Variants in RMDN1 observed in about 807,000 individuals in gnomAD.
RMDN1 encodes regulator of microtubule dynamics protein 1.
A neutral mutation model predicts 48.9 loss-of-function variants in RMDN1; 48 were observed. That is an observed-to-expected ratio of 0.98 (90% CI 0.78 to 1.25). The LOEUF is 1.25. RMDN1 is among the 50% of genes most tolerant of loss of function. The pLI is 0.00. For synonymous variants in RMDN1, 148 were observed against 132.6 expected, an observed-to-expected ratio of 1.12 and a Z score of -0.80; for missense variants, 418 against 373.4, an observed-to-expected ratio of 1.12 and a Z score of -0.98.
chr8:86,507,317 TC>T (rs1197973584), intron 1 of RMDN1, among the ~76,000 whole-genome samples: 1 of 152,126 alleles, frequency 6.6e-6, no homozygotes, highest in African/African-American at 2.4e-5. Flanking sequence ...GAGTCGCCGC[TC>T]ATCTAAAAAT....
chr8:86,479,565 T>C (rs776504743), intron 6 of RMDN1, among the ~76,000 whole-genome samples: 2 of 152,190 alleles, frequency 1.3e-5, no homozygotes, highest in Non-Finnish European at 2.9e-5. Flanking sequence ...GAAATTGCTA[T>C]TTCATTTGGG....
chr8:86,505,455 G>A, intron 2 of RMDN1: 1 of 428,850 alleles, frequency 2.3e-6, no homozygotes, highest in East Asian at 7.2e-5. Context: ...ATATACATAT[G>A]AGTGTGGAAG....
upstream of RMDN1, among the ~76,000 whole-genome samples, chr8:86,509,626 C>T (rs559294091): frequency 9.3e-4 from 142 of 152,300 alleles, no homozygotes; most frequent in African/African-American, 3.0e-3. Flanking sequence ...ATCTTCCGAA[C>T]TACCTTGTGA....
intron 2 of RMDN1, among the ~76,000 whole-genome samples, chr8:86,493,012 A>C (rs1439050300): frequency 6.6e-6 from 1 of 152,024 alleles, no homozygotes; most frequent in African/African-American, 2.4e-5. Flanking sequence ...CTTAAAAAAA[A>C]AAAACAGCAA....
chr8:86,489,014 C>T (rs1443680249), intron 2 of RMDN1, among the ~76,000 whole-genome samples: 1 of 152,224 alleles, frequency 6.6e-6, no homozygotes, highest in African/African-American at 2.4e-5. Context: ...AGATTCAAAG[C>T]TGTCCTGGGC....
chr8:86,503,367 AAAAC>A (rs1343648328), intron 2 of RMDN1, among the ~76,000 whole-genome samples: 1 of 73,506 alleles, frequency 1.4e-5, no homozygotes, highest in African/African-American at 1.2e-4. Flanking sequence ...AAAACAAAAC[AAAAC>A]AAAAAAAAAA....
At chr8:86,508,158 G>C in intron 1 of RMDN1, 1 of 268,444 alleles carries the variant, frequency 3.7e-6, no homozygotes, top group Non-Finnish European at 7.0e-6. Flanking sequence ...AAGCGCTGTT[G>C]TATCTGTCAT....
At chr8:86,475,365 A>G (rs1431582647) in intron 8 of RMDN1, among the ~76,000 whole-genome samples, 1 of 152,180 alleles carries the variant, frequency 6.6e-6, no homozygotes, top group East Asian at 1.9e-4. Flanking sequence ...CATCGGCTGA[A>G]TAAGTGAATG....
Position 86,473,827 on chromosome 8 carries a change from C to T in RMDN1, c.*481G>A, listed in dbSNP as rs556414816. 1,742 of 985,320 alleles carry T rather than the reference C, an allele frequency of 1.8e-3. 3 individuals carry two copies. The highest frequency in any genetic ancestry group is 2.6e-3 in the Middle Eastern group (5 of 1,912). The allele number at this position is 985,320 out of a possible 1,614,324, so 61.0% of individuals were successfully genotyped here. ...ATCTCCTTACTTAGTTCTTTACTTA[C>T]ACAGGTTAGCTCCAAGATATATCAT... On this transcript the variant is annotated 3_prime_UTR_variant, in exon 10 of 10. Coordinates refer to ENST00000406452, the MANE Select transcript of RMDN1 (RefSeq NM_016033.3).
intron 3 of RMDN1, 38 bp downstream of exon 3, chr8:86,488,514 A>T (rs199749886): frequency 1.5e-6 from 2 of 1,313,776 alleles, no homozygotes; most frequent in Non-Finnish European, 2.1e-6. Context: ...AAAAATTTTG[A>T]GGAAACCACA....
At chr8:86,505,755 T>C (rs1819219569) in intron 2 of RMDN1, among the ~76,000 whole-genome samples, 1 of 152,156 alleles carries the variant, frequency 6.6e-6, no homozygotes, top group African/African-American at 2.4e-5. Context: ...CTGGGGAGGT[T>C]AGCGTGCAAT....
rs1348765707 is a variant in RMDN1 at position 86,472,533 on chromosome 8, A to G, written c.*1775T>C. ...AACCTTTTAAAATACAGCATCATTAAGTGGGAAACTGAAAGCCTGCCATTG... is the reference window on the plus strand; with the variant it reads ...AACCTTTTAAAATACAGCATCATTAGGTGGGAAACTGAAAGCCTGCCATTG... On this transcript the variant is annotated 3_prime_UTR_variant, in exon 10 of 10. Coordinates refer to ENST00000406452, the MANE Select transcript of RMDN1 (RefSeq NM_016033.3). The G allele has an allele frequency of 1.4e-6, 1 of 696,714 alleles. No individual in the cohort carries two copies. Among genetic ancestry groups the G allele is most frequent in the Non-Finnish European group, 2.6e-6 (1 of 383,476 alleles). The allele number at this position is 696,714 out of a possible 1,614,324, so 43.2% of individuals were successfully genotyped here. A position where few individuals can be genotyped will look rare whatever the true frequency, so the allele number is the denominator to read the frequency against.
upstream of RMDN1, among the ~76,000 whole-genome samples, chr8:86,512,435 T>C (rs543595051): frequency 1.3e-5 from 2 of 152,340 alleles, no homozygotes; most frequent in South Asian, 2.1e-4. Context: ...TGTTCTTATC[T>C]TTGCCCCTGC....
At chr8:86,485,331 A>T (rs1485842034) in intron 4 of RMDN1, among the ~76,000 whole-genome samples, 1 of 152,200 alleles carries the variant, frequency 6.6e-6, no homozygotes. Context: ...AGGCTGAGGC[A>T]GAAGAATCAC....
chr8:86,486,685 T>C (rs1815543021), intron 3 of RMDN1, 42 bp from the exon 4 acceptor site: 2 of 1,506,334 alleles, frequency 1.3e-6, no homozygotes, highest in Admixed American at 4.0e-5. Context: ...TTAGCTCACA[T>C]TTAAAAATTG....
At chr8:86,481,043 C>G (rs746545749) in intron 5 of RMDN1, among the ~76,000 whole-genome samples, 1 of 152,084 alleles carries the variant, frequency 6.6e-6, no homozygotes, top group Non-Finnish European at 1.5e-5. Flanking sequence ...CTAAAGAAAT[C>G]TTACAGATTA....
intron 2 of RMDN1, chr8:86,503,723 G>A: frequency 6.3e-6 from 3 of 475,866 alleles, no homozygotes; most frequent in Non-Finnish European, 1.3e-5. Flanking sequence ...GAGTGACCAG[G>A]CAAATATCCC....
chr8:86,478,111 C>T (rs914940091), intron 7 of RMDN1: 1 of 152,122 alleles, frequency 6.6e-6, no homozygotes, highest in African/African-American at 2.4e-5. Flanking sequence ...TCTCAAACTC[C>T]CAGGCTCAAC....
chr8:86,487,122 T>C (rs1017229816), intron 3 of RMDN1, among the ~76,000 whole-genome samples: 1 of 152,214 alleles, frequency 6.6e-6, no homozygotes, highest in African/African-American at 2.4e-5. Context: ...TGACAATTAT[T>C]TGCTAATGAA....
Sources: gnomAD v4.1 joint callset for allele counts (sites outside exome capture counted in the v4.1 genomes callset) on GRCh38, gnomAD v4.1.1 for gene constraint, MANE v1.5 for transcripts, NCBI Gene and HGNC (gene_info 2026-07-23, HGNC 2026-07-21) for gene names.